EPB41L3: variants seen among roughly 807,000 people sequenced by gnomAD.
EPB41L3 encodes erythrocyte membrane protein band 4.1 like 3, also known as band 4.1-like protein 3.
EPB41L3 carries 57 observed loss-of-function variants against 127.1 expected under a neutral mutation model. That is an observed-to-expected ratio of 0.45 (90% CI 0.36 to 0.56). The LOEUF is 0.56. EPB41L3 is among the 20% of genes least tolerant of loss of function. The pLI, the probability that EPB41L3 is intolerant of heterozygous loss-of-function variation, is 0.00. For missense variants in EPB41L3, 1,273 were observed against 1,372.2 expected, an observed-to-expected ratio of 0.93 and a Z score of 1.14; for synonymous variants, 572 against 549.5, an observed-to-expected ratio of 1.04 and a Z score of -0.57.
At chr18:5,481,580 A>G (rs1371045847) in intron 2 of EPB41L3, among the ~76,000 whole-genome samples, 1 of 152,202 alleles carries the variant, frequency 6.6e-6, no homozygotes, top group Non-Finnish European at 1.5e-5. Flanking sequence ...TGACTCTCTG[A>G]AGGGAGAAAT....
chr18:5,546,974 A>G (rs999978485), upstream of EPB41L3, among the ~76,000 whole-genome samples: 4 of 152,226 alleles, frequency 2.6e-5, no homozygotes, highest in Non-Finnish European at 4.4e-5. Context: ...CGGCTTCCTC[A>G]TGTATAAAAG....
rs1473534130 is a variant in EPB41L3 at position 5,462,016 on chromosome 18, G to A, written c.381+16225C>T. Among the ~76,000 whole-genome samples the A allele has an allele frequency of 4.6e-5, 7 of 152,260 alleles. No homozygotes were observed. The East Asian group carries it at 1.4e-3, about 29-fold the overall frequency. ...GCCAGGGCCAGAAGGTAAGAGCAGG[G>A]TATTATTACAGCCCCAAACTAGAAA... On this transcript the variant is annotated intron_variant, in intron 3 of 22. Coordinates refer to ENST00000341928, the MANE Select transcript of EPB41L3 (RefSeq NM_012307.5).
chr18:5,396,568 A>C (rs2073523974), intron 18 of EPB41L3, among the ~76,000 whole-genome samples: 1 of 152,148 alleles, frequency 6.6e-6, no homozygotes, highest in South Asian at 2.1e-4. Context: ...AATAAAAAAA[A>C]GTTTTCTATT....
At chr18:5,572,452 T>G (rs1413985837) in intron 3 of EPB41L3, among the ~76,000 whole-genome samples, 1 of 152,194 alleles carries the variant, frequency 6.6e-6, no homozygotes, top group Non-Finnish European at 1.5e-5. Context: ...GTGCCTTTGT[T>G]TTAGAATAAA....
chr18:5,596,146 C>T (rs1445670952), intron 3 of EPB41L3, among the ~76,000 whole-genome samples: 1 of 152,162 alleles, frequency 6.6e-6, no homozygotes, highest in African/African-American at 2.4e-5. Context: ...AAACCACTTA[C>T]CTGAAGGCCA....
chr18:5,435,142 C>T (rs1020740110), intron 6 of EPB41L3, among the ~76,000 whole-genome samples: 2 of 152,022 alleles, frequency 1.3e-5, no homozygotes, highest in Non-Finnish European at 2.9e-5. Context: ...TATTTTTGTG[C>T]AGCTGTATGA....
chr18:5,530,512 C>T (rs950834763), intron 1 of EPB41L3, among the ~76,000 whole-genome samples: 2 of 152,154 alleles, frequency 1.3e-5, no homozygotes, highest in African/African-American at 4.8e-5. Flanking sequence ...GTGCACAGGG[C>T]CCTGAACTCT....
At chr18:5,605,050 T>C (rs1396642334) in intron 3 of EPB41L3, among the ~76,000 whole-genome samples, 1 of 152,170 alleles carries the variant, frequency 6.6e-6, no homozygotes, top group East Asian at 1.9e-4. Context: ...CACCTCCTCC[T>C]GGGGAGGGCC....
intron 3 of EPB41L3, among the ~76,000 whole-genome samples, chr18:5,599,630 T>C (rs1481067452): frequency 6.6e-6 from 1 of 152,134 alleles, no homozygotes; most frequent in Non-Finnish European, 1.5e-5. Flanking sequence ...TGTTTGAAAG[T>C]ATGTTGCACC....
intron 1 of EPB41L3, among the ~76,000 whole-genome samples, chr18:5,540,157 T>A (rs888579060): frequency 3.9e-5 from 6 of 152,194 alleles, no homozygotes; most frequent in African/African-American, 1.4e-4. Flanking sequence ...TTTTTCTTGT[T>A]CTTTAATTTT....
rs984543639 is a variant in EPB41L3, at chr18:5,406,651, T to G, written c.2349+126A>C. The G allele has an allele frequency of 1.6e-5, 13 of 837,778 alleles. No homozygotes were observed. The Admixed American group carries it at 1.7e-4, about 11-fold the overall frequency. The allele number at this position is 837,778 out of a possible 1,614,324, so 51.9% of individuals were successfully genotyped here. ...CTGTTGGAGCACTGAGCATCTCAGC[T>G]CAGGTTAAACATAGGTAGGAAGAGA... On this transcript the variant is annotated intron_variant, in intron 16 of 22. Coordinates refer to ENST00000341928, the MANE Select transcript of EPB41L3 (RefSeq NM_012307.5).
intron 3 of EPB41L3, among the ~76,000 whole-genome samples, chr18:5,609,190 A>G (rs75159775): frequency 0.013 from 1,921 of 152,308 alleles, 34 homozygotes; most frequent in African/African-American, 0.044. Context: ...CTGATAATCA[A>G]GACAATAATT....
At chr18:5,522,050 TATC>T (rs1171076137) in intron 1 of EPB41L3, among the ~76,000 whole-genome samples, 1 of 152,158 alleles carries the variant, frequency 6.6e-6, no homozygotes, top group Non-Finnish European at 1.5e-5. Flanking sequence ...GCAAAAGGGT[TATC>T]TTTAGAACAG....
chr18:5,418,192 A>T (rs956331889), intron 12 of EPB41L3, among the ~76,000 whole-genome samples: 2 of 152,172 alleles, frequency 1.3e-5, no homozygotes, highest in African/African-American at 4.8e-5. Context: ...TCCTGAAGAC[A>T]TTCTGCCCAG....
chr18:5,424,880 T>A (rs1056929203), intron 9 of EPB41L3, among the ~76,000 whole-genome samples: 2 of 152,208 alleles, frequency 1.3e-5, no homozygotes, highest in Non-Finnish European at 2.9e-5. Context: ...TTTATTTGTG[T>A]GTTCCGCTAT....
rs1216792185 is a variant in EPB41L3, at chr18:5,595,007, A to T, written c.-306+17333T>A. ...TATACAGAATTAATCAATCCACACT[A>T]GGCACATAGAGAATATGCAATGTAT... On this transcript the variant is annotated intron_variant, in intron 3 of 21. Transcript: ENST00000545076. Among the ~76,000 whole-genome samples the T allele has an allele frequency of 2.0e-5, 3 of 152,230 alleles. 1 individual carries two copies. The highest frequency in any genetic ancestry group is 4.4e-5 in the Non-Finnish European group (3 of 68,042).
At chr18:5,460,035 T>C (rs71358094) in intron 3 of EPB41L3, among the ~76,000 whole-genome samples, 3 of 152,336 alleles carry the variant, frequency 2.0e-5, no homozygotes, top group African/African-American at 7.2e-5. Flanking sequence ...TAGGTCATTT[T>C]CAGTCCTTTC....
chr18:5,545,833 G>A (rs1289381189), upstream of EPB41L3, among the ~76,000 whole-genome samples: 2 of 151,890 alleles, frequency 1.3e-5, no homozygotes, highest in African/African-American at 4.8e-5. Flanking sequence ...ATGAGTATTA[G>A]AGACATATAT....
Position 5,489,174 on chromosome 18 carries a change from C to T in EPB41L3, c.10G>A (p.Glu4Lys). 1 of 1,595,054 alleles carries T rather than the reference C, an allele frequency of 6.3e-7. No homozygotes were observed. The highest frequency in any genetic ancestry group is 8.5e-7 in the Non-Finnish European group (1 of 1,174,490). The change falls in exon 2 of 23, where the codon GAA becomes AAA. Residue 4 changes from glutamate to lysine, a missense_variant. By Grantham distance (56) the Glu-to-Lys change is moderately conservative (BLOSUM62 1). Coordinates refer to ENST00000341928, the MANE Select transcript of EPB41L3 (RefSeq NM_012307.5). ...TTGGATTCCGAGTCTGATCCAGATT[C>T]GGTCGTCATGGTTGATTGTTCTGCA... MTT[E>K]SGSDSESKPD...
Sources: allele counts gnomAD v4.1 joint callset (sites outside exome capture counted in the v4.1 genomes callset), GRCh38; gene constraint gnomAD v4.1.1; transcripts MANE v1.5; gene names NCBI Gene and HGNC (gene_info 2026-07-23, HGNC 2026-07-21).